MADD: variants seen among roughly 807,000 people sequenced by gnomAD.
MADD encodes MAP kinase activating death domain, also known as MAP kinase-activating death domain protein.
In MADD, 109 loss-of-function variants were observed where a neutral mutation model predicts 176.7. The observed-to-expected ratio is 0.62, with a 90% CI of 0.53 to 0.72. The LOEUF is 0.72. Ranked by LOEUF, MADD falls within the 30% of genes least tolerant of loss-of-function variation. The pLI, the probability that MADD is intolerant of heterozygous loss-of-function variation, is 0.00. For synonymous variants in MADD, 771 were observed against 771.3 expected (o/e 1.00, Z 0.01); for missense variants, 1,914 against 2,045.5 (o/e 0.94, Z 1.24).
At chr11:47,326,695 G>A (rs1293583916) in intron 30 of MADD, 43 bp from the exon 35 acceptor site, 1 of 1,602,456 alleles carries the variant, frequency 6.2e-7, no homozygotes, top group East Asian at 2.2e-5. Context: ...GGGCAGGGGT[G>A]GAGCCTGTGG....
chr11:47,306,831 A>G (rs1469224462), intron 22 of MADD, among the ~76,000 whole-genome samples: 1 of 151,982 alleles, frequency 6.6e-6, no homozygotes, highest in Non-Finnish European at 1.5e-5. Flanking sequence ...CTGCTCGGCC[A>G]TCTTGCTGAC....
Position 47,276,714 on chromosome 11 carries a change from C to CTG in MADD, c.964-17_964-16dup, listed in dbSNP as rs1471669189. On this transcript the variant is annotated splice_polypyrimidine_tract_variant and intron_variant, in intron 4 of 32. Coordinates refer to ENST00000402192, the Ensembl canonical transcript of MADD. ...ATTTTATGTTTTGGAGTGATTCTTA[C>CTG]TGGATGGCTCATGACAGGTGGTGCT... 1.9e-6 allele frequency: 3 copies of CTG among 1,612,956 alleles called. No homozygotes were observed. The highest frequency in any genetic ancestry group is 1.3e-5 in the African/African-American group (1 of 74,890).
At chr11:47,319,434 A>C (rs1322618179) in intron 27 of MADD, among the ~76,000 whole-genome samples, 2 of 152,106 alleles carry the variant, frequency 1.3e-5, no homozygotes, top group Admixed American at 6.6e-5. Flanking sequence ...TACCCAGCCA[A>C]AGATTTTTAA....
chr11:47,275,275 A>C (rs2048592735), intron 3 of MADD, 116 bp downstream of exon 3: 1 of 873,410 alleles, frequency 1.1e-6, no homozygotes, highest in Admixed American at 2.3e-5. Flanking sequence ...CCTATTAAGC[A>C]TATTTAGAGT....
chr11:47,312,460 C>T (rs952386902), intron 26 of MADD, among the ~76,000 whole-genome samples: 3 of 151,850 alleles, frequency 2.0e-5, no homozygotes, highest in African/African-American at 4.8e-5. Flanking sequence ...GTTTCACTCT[C>T]TTGTTGCCCA....
intron 19 of MADD, 145 bp from the exon 21 acceptor site, chr11:47,292,398 C>T: frequency 1.4e-6 from 1 of 733,502 alleles, no homozygotes; most frequent in Middle Eastern, 2.3e-4. Context: ...TGCCCCTTCT[C>T]CCCATGAAGA....
exon 4 of MADD, chr11:47,276,190 G>C: frequency 6.2e-7 from 1 of 1,607,776 alleles, no homozygotes; most frequent in Non-Finnish European, 8.5e-7. Flanking sequence ...CCTGCATTCT[G>C]TTAGAGCACA....
chr11:47,281,978 G>C (rs975914564), intron 8 of MADD, among the ~76,000 whole-genome samples: 3 of 151,260 alleles, frequency 2.0e-5, no homozygotes, highest in Admixed American at 1.3e-4. Context: ...GGGATTACAG[G>C]CGCCTGCCAC....
chr11:47,304,716 A>G (rs1277618420), intron 22 of MADD, among the ~76,000 whole-genome samples: 1 of 151,672 alleles, frequency 6.6e-6, no homozygotes, highest in East Asian at 1.9e-4. Context: ...ATTACTTTTA[A>G]TTTATTTTCT....
intron 19 of MADD, among the ~76,000 whole-genome samples, chr11:47,293,412 G>T (rs866839665): frequency 6.6e-6 from 1 of 151,016 alleles, no homozygotes; most frequent in African/African-American, 2.4e-5. Flanking sequence ...AGCAATTGTC[G>T]TGCCTCAACC....
exon 22 of MADD, chr11:47,296,053 T>C: frequency 6.2e-7 from 1 of 1,610,552 alleles, no homozygotes; most frequent in Non-Finnish European, 8.5e-7. Flanking sequence ...AAGCACCATC[T>C]TTGTAAGCTT....
intron 18 of MADD, 78 bp downstream of exon 19, chr11:47,290,377 C>A: frequency 6.5e-7 from 1 of 1,537,528 alleles, no homozygotes; most frequent in South Asian, 1.2e-5. Flanking sequence ...ATATGTGTAC[C>A]CAGGACACGT....
At position 47,283,074 on chromosome 11, in the gene MADD, G is replaced by A. The variant is rs970850362; in HGVS notation, c.1862+105G>A. 23 of 918,172 alleles carry A rather than the reference G, an allele frequency of 2.5e-5. No individual in the cohort carries two copies. In the African/African-American group the frequency reaches 4.0e-4, roughly 16 times the overall value. The allele number at this position is 918,172 out of a possible 1,614,324, so 56.9% of individuals were successfully genotyped here. A position where few individuals can be genotyped will look rare whatever the true frequency, so the allele number is the denominator to read the frequency against. ...AGTCTCATAGGCTTCCCATATCAGT[G>A]TTTTTAATTTTATTTTATTTTATTT... On this transcript the variant is annotated intron_variant, in intron 10 of 32. Transcript: ENST00000402192.
chr11:47,323,554 G>T, intron 27 of MADD, 117 bp from the exon 31 acceptor site: 1 of 1,005,984 alleles, frequency 9.9e-7, no homozygotes, highest in East Asian at 2.4e-5. Context: ...AACCATGAGC[G>T]TAAGGCAGAA....
At chr11:47,281,635 G>T in exon 8 of MADD, 1 of 1,612,972 alleles carries the variant, frequency 6.2e-7, no homozygotes. Flanking sequence ...ATTTCATGAG[G>T]GCCAGGAGAT....
chr11:47,316,269 G>A (rs2092891593), intron 27 of MADD, among the ~76,000 whole-genome samples: 1 of 151,864 alleles, frequency 6.6e-6, no homozygotes, highest in African/African-American at 2.4e-5. Context: ...GGGAGGTCTT[G>A]CACTCATTCT....
At chr11:47,324,854 G>C in intron 30 of MADD, 1 of 621,836 alleles carries the variant, frequency 1.6e-6, no homozygotes, top group East Asian at 2.7e-5. Flanking sequence ...ACTCCACACA[G>C]TGTGAGTGGG....
At chr11:47,317,854 A>G (rs1259082858) in intron 27 of MADD, among the ~76,000 whole-genome samples, 3 of 151,158 alleles carry the variant, frequency 2.0e-5, no homozygotes, top group Non-Finnish European at 4.4e-5. Flanking sequence ...ACTGCAACCT[A>G]TACCTCCCGG....
At chr11:47,278,881 A>G (rs2053344823) in intron 6 of MADD, 118 bp from the exon 7 acceptor site, 4 of 737,542 alleles carry the variant, frequency 5.4e-6, no homozygotes, top group Non-Finnish European at 9.2e-6. Flanking sequence ...GCAGTTATAT[A>G]ATGTATATTC....
Sources: allele counts gnomAD v4.1 joint callset (sites outside exome capture counted in the v4.1 genomes callset), GRCh38; gene constraint gnomAD v4.1.1; transcripts MANE v1.5; gene names NCBI Gene and HGNC (gene_info 2026-07-23, HGNC 2026-07-21).